The following HS6ST3 variants were observed in gnomAD, a reference collection of about 807,000 sequenced individuals.
HS6ST3 encodes heparan-sulfate 6-O-sulfotransferase 3.
In HS6ST3, 12 loss-of-function variants were observed where a neutral mutation model predicts 36.7. The observed-to-expected ratio is 0.33, with a 90% CI of 0.21 to 0.53. The LOEUF is 0.53. Among genes scored for constraint, HS6ST3 ranks in the 20% least tolerant of loss-of-function variants. HS6ST3 has a pLI of 0.95. For synonymous variants in HS6ST3, 240 were observed against 257.5 expected, an observed-to-expected ratio of 0.93 and a Z score of 0.65; for missense variants, 584 against 640.9, an observed-to-expected ratio of 0.91 and a Z score of 0.96.
rs190865350 is a variant in HS6ST3 at position 96,772,785 on chromosome 13, G to C, written c.708-59705G>C. Among the ~76,000 whole-genome samples, 5 of 152,328 alleles carry C rather than the reference G, an allele frequency of 3.3e-5. No individual in the cohort carries two copies. In the East Asian group the frequency reaches 7.7e-4, roughly 23 times the overall value. Reference sequence around the variant, plus strand: ...AAAACATGGTCCTTCCTCTCATGTAGATTACAGTATTGATTGCCATCTTGA... The same window carrying C: ...AAAACATGGTCCTTCCTCTCATGTACATTACAGTATTGATTGCCATCTTGA... On this transcript the variant is annotated intron_variant, in intron 1 of 1. Transcript: ENST00000376705.
rs150138955 is a variant in HS6ST3, at chr13:96,752,443, C to T, written c.708-80047C>T. On this transcript the variant is annotated intron_variant, in intron 1 of 1. Transcript: ENST00000376705. The stretch of plus-strand genomic sequence containing the variant: ...CAGTGTTGGAACACTTTCTGTTGCT[C>T]CATATTCTCTCCAAAACTTCATGGT... Among the ~76,000 whole-genome samples the T allele has an allele frequency of 2.3e-4, 35 of 152,082 alleles. 1 individual carries two copies. In the East Asian group the frequency reaches 6.6e-3, roughly 29 times the overall value.
intron 1 of HS6ST3, among the ~76,000 whole-genome samples, chr13:96,555,376 A>G (rs957568164): frequency 1.3e-5 from 2 of 152,206 alleles, no homozygotes; most frequent in Admixed American, 1.3e-4. Flanking sequence ...CAGTGGTCAA[A>G]TGGTTCACAG....
At chr13:96,127,538 G>A (rs527480814) in intron 1 of HS6ST3, among the ~76,000 whole-genome samples, 12 of 152,294 alleles carry the variant, frequency 7.9e-5, no homozygotes, top group East Asian at 5.8e-4. Context: ...AACAGGCGAC[G>A]GACTGGTATT....
intron 1 of HS6ST3, among the ~76,000 whole-genome samples, chr13:96,234,614 C>T (rs1488326255): frequency 6.6e-6 from 1 of 151,962 alleles, no homozygotes; most frequent in Non-Finnish European, 1.5e-5. Flanking sequence ...GGGGAACTCC[C>T]CTTTATAAAA....
chr13:96,636,930 T>C (rs767988637), intron 1 of HS6ST3, among the ~76,000 whole-genome samples: 1 of 152,062 alleles, frequency 6.6e-6, no homozygotes, highest in Non-Finnish European at 1.5e-5. Context: ...ATCATGCATG[T>C]ACACCTGAGG....
At chr13:96,479,622 G>T (rs1260135064) in intron 1 of HS6ST3, among the ~76,000 whole-genome samples, 1 of 152,152 alleles carries the variant, frequency 6.6e-6, no homozygotes, top group African/African-American at 2.4e-5. Flanking sequence ...ATAGATCAGA[G>T]AAATATTGAT....
At position 96,405,165 on chromosome 13, in the gene HS6ST3, C is replaced by G. The variant is rs190974000; in HGVS notation, c.707+313596C>G. ...TCAGCAGCATGAAAACGAACTAATA[C>G]AGCAGGGGATCACCAGAGTAGCCAA... On this transcript the variant is annotated intron_variant, in intron 1 of 1. Transcript: ENST00000376705. Among the ~76,000 whole-genome samples, 27 of 152,312 alleles carry G rather than the reference C, an allele frequency of 1.8e-4. No homozygotes were observed. The East Asian group carries it at 5.0e-3, about 28-fold the overall frequency.
intron 1 of HS6ST3, among the ~76,000 whole-genome samples, chr13:96,707,526 A>G (rs369939674): frequency 4.6e-5 from 7 of 152,236 alleles, no homozygotes; most frequent in African/African-American, 1.7e-4. Context: ...GGCGATGCCC[A>G]TCAATCTGAA....
Position 96,400,544 on chromosome 13 carries a change from A to T in HS6ST3, c.707+308975A>T, listed in dbSNP as rs551612087. Reference sequence around the variant, plus strand: ...ATTAGAGAGGTGATAACAGGAACTTATCACTGTTGATGGGCACTGGGGAGT... The same window carrying T: ...ATTAGAGAGGTGATAACAGGAACTTTTCACTGTTGATGGGCACTGGGGAGT... On this transcript the variant is annotated intron_variant, in intron 1 of 1. Transcript: ENST00000376705. 7.9e-5 allele frequency among the ~76,000 whole-genome samples: 12 copies of T among 152,306 alleles called. No individual in the cohort carries two copies. The East Asian group carries it at 2.1e-3, about 27-fold the overall frequency.
intron 1 of HS6ST3, among the ~76,000 whole-genome samples, chr13:96,305,172 T>C (rs1462918870): frequency 1.3e-5 from 2 of 152,166 alleles, no homozygotes; most frequent in Admixed American, 1.3e-4. Context: ...CTAATGGATT[T>C]TTTTTGGAAA....
At chr13:96,373,282 G>A (rs1441236987) in intron 1 of HS6ST3, among the ~76,000 whole-genome samples, 13 of 151,982 alleles carry the variant, frequency 8.6e-5, no homozygotes, top group Non-Finnish European at 2.9e-5. Context: ...ATTAGGGTGT[G>A]GACACATCAT....
intron 1 of HS6ST3, among the ~76,000 whole-genome samples, chr13:96,472,065 T>TGTC (rs2055842587): frequency 6.6e-6 from 1 of 152,182 alleles, no homozygotes; most frequent in African/African-American, 2.4e-5. Context: ...AAGTAGCAGC[T>TGTC]GTCACTACCA....
chr13:96,228,550 A>G (rs1249899984), intron 1 of HS6ST3, among the ~76,000 whole-genome samples: 1 of 152,148 alleles, frequency 6.6e-6, no homozygotes, highest in African/African-American at 2.4e-5. Context: ...ACAGGTGTGG[A>G]CCACCGTGCC....
chr13:96,219,028 G>C (rs1387835306), intron 1 of HS6ST3, among the ~76,000 whole-genome samples: 1 of 152,062 alleles, frequency 6.6e-6, no homozygotes, highest in Non-Finnish European at 1.5e-5. Context: ...TTCACACGAA[G>C]TTGCCCTTGG....
chr13:96,414,901 A>G (rs1431241592), intron 1 of HS6ST3, among the ~76,000 whole-genome samples: 1 of 152,188 alleles, frequency 6.6e-6, no homozygotes, highest in African/African-American at 2.4e-5. Flanking sequence ...CATATTTTAT[A>G]AGAAAGGATG....
At chr13:96,167,676 C>T (rs1029993202) in intron 1 of HS6ST3, among the ~76,000 whole-genome samples, 1 of 152,108 alleles carries the variant, frequency 6.6e-6, no homozygotes. Context: ...ACACTAATGC[C>T]GCATTAATCA....
At chr13:96,697,910 C>T in intron 1 of HS6ST3, among the ~76,000 whole-genome samples, 1 of 152,032 alleles carries the variant, frequency 6.6e-6, no homozygotes, top group East Asian at 1.9e-4. Flanking sequence ...AAATTGTTTT[C>T]TAGTGGTTAA....
At chr13:96,316,180 A>G (rs572758175) in intron 1 of HS6ST3, among the ~76,000 whole-genome samples, 1 of 152,100 alleles carries the variant, frequency 6.6e-6, no homozygotes, top group Non-Finnish European at 1.5e-5. Flanking sequence ...GTATATGTAT[A>G]CACATACACA....
chr13:96,806,205 A>T (rs1028976864), intron 1 of HS6ST3, among the ~76,000 whole-genome samples: 2 of 152,202 alleles, frequency 1.3e-5, no homozygotes, highest in African/African-American at 4.8e-5. Context: ...CACCCAGAGA[A>T]TATCCTTGGG....
Sources: gnomAD v4.1 joint callset for allele counts (sites outside exome capture counted in the v4.1 genomes callset) on GRCh38, gnomAD v4.1.1 for gene constraint, MANE v1.5 for transcripts, NCBI Gene and HGNC (gene_info 2026-07-23, HGNC 2026-07-21) for gene names.